Variants in IMPDH2 observed in about 807,000 individuals in gnomAD.
IMPDH2 encodes inosine monophosphate dehydrogenase 2.
A neutral mutation model predicts 57.8 loss-of-function variants in IMPDH2; 33 were observed. That is an observed-to-expected ratio of 0.57 (90% CI 0.43 to 0.76). IMPDH2 has a LOEUF of 0.76. Ranked by LOEUF, IMPDH2 falls within the 30% of genes least tolerant of loss-of-function variation. The probability of loss-of-function intolerance (pLI) is 0.00; values close to 1 mark genes in which losing one functional copy is unlikely to be tolerated. For synonymous variants in IMPDH2, 270 were observed against 241.3 expected (o/e 1.12, Z -1.10); for missense variants, 446 against 659.1 (o/e 0.68, Z 3.54).
intron 9 of IMPDH2, chr3:49,025,488 G>A: frequency 1.7e-6 from 1 of 571,756 alleles, no homozygotes. Context: ...GCACGTGCAT[G>A]TGTGCAGTGC....
Position 49,024,815 on chromosome 3 carries a change from G to A in IMPDH2, c.1296-13C>T, listed in dbSNP as rs764534570. 4.3e-6 allele frequency: 7 copies of A among 1,614,180 alleles called. No individual in the cohort carries two copies. Among genetic ancestry groups the A allele is most frequent in the Non-Finnish European group, 5.1e-6 (6 of 1,179,998 alleles). On this transcript the variant is annotated splice_polypyrimidine_tract_variant and intron_variant, in intron 11 of 13. Coordinates refer to ENST00000326739, the MANE Select transcript of IMPDH2 (RefSeq NM_000884.3). ...TTTGTCAGCTTCACTGCAGGGAGAGGCAGAGACACGGGCAAGGTCACAGCA... is the reference window on the plus strand; with the variant it reads ...TTTGTCAGCTTCACTGCAGGGAGAGACAGAGACACGGGCAAGGTCACAGCA...
chr3:49,026,472 C>T (rs759408967), intron 8 of IMPDH2, 47 bp downstream of exon 8: 1 of 1,597,258 alleles, frequency 6.3e-7, no homozygotes, highest in South Asian at 1.1e-5. Context: ...GGGAGCCCAG[C>T]TTACCCACTC....
Position 49,028,286 on chromosome 3 carries a change from T to C in IMPDH2, c.286A>G (p.Thr96Ala). ...ACTTCATTGGCCTGGAATTCAGGTG[T>C]ACAGTTGTGGTGGATGAAGCCAATA... ...GGIGFIHHNC[T>A]PEFQANEVRK... Residue 96 changes from threonine (T) to alanine (A), a missense_variant, in exon 4 of 14, where the codon ACA becomes GCA. Physicochemically the swap from Thr to Ala is moderately conservative, Grantham distance 58. Coordinates refer to ENST00000326739, the MANE Select transcript of IMPDH2 (RefSeq NM_000884.3). 6.2e-7 allele frequency: 1 copy of C among 1,614,190 alleles called. No homozygotes were observed. Among genetic ancestry groups the C allele is most frequent in the Non-Finnish European group, 8.5e-7 (1 of 1,180,026 alleles).
At chr3:49,029,103 T>C in intron 1 of IMPDH2, 150 bp downstream of exon 1, 1 of 702,352 alleles carries the variant, frequency 1.4e-6, no homozygotes, top group South Asian at 1.5e-5. Context: ...CCGCTCCAGA[T>C]GTCTCAAAGT....
intron 2 of IMPDH2, 24 bp from the exon 3 acceptor site, chr3:49,028,556 T>C: frequency 6.3e-7 from 1 of 1,584,052 alleles, no homozygotes; most frequent in South Asian, 1.1e-5. Flanking sequence ...CGTCAACCAG[T>C]GTGGGAAAGC....
In IMPDH2 at chr3:49,028,772, T is replaced by C. The variant is rs1271709232; in HGVS notation, c.133A>G (p.Thr45Ala). ...FLILPGYIDF[T>A]ADQVDLTSAL... ...ATCATACTCACCACCTGGTCTGCAG[T>C]GAAGTCGATGTACCCAGGGAGAATG... Residue 45 changes from threonine (T) to alanine (A), a missense_variant, in exon 2 of 14, where the codon ACT becomes GCT. Thr to Ala is a moderately conservative substitution (Grantham distance 58). Coordinates refer to ENST00000326739, the MANE Select transcript of IMPDH2 (RefSeq NM_000884.3). 6.2e-7 allele frequency: 1 copy of C among 1,613,690 alleles called. No homozygotes were observed. The highest frequency in any genetic ancestry group is 1.7e-5 in the Admixed American group (1 of 60,018).
At chr3:49,029,001 C>G (rs1009632527) in intron 1 of IMPDH2, 195 bp from the exon 2 acceptor site, 8 of 652,048 alleles carry the variant, frequency 1.2e-5, no homozygotes, top group Admixed American at 2.2e-5. Flanking sequence ...CATCAGTGCT[C>G]CTGGCACCCT....
chr3:49,027,603 TC>T, intron 5 of IMPDH2, 106 bp downstream of exon 5: 1 of 970,908 alleles, frequency 1.0e-6, no homozygotes, highest in Non-Finnish European at 1.6e-6. Flanking sequence ...GGTTTGACAC[TC>T]CTTTCCCAGA....
chr3:49,026,543 T>C lies in IMPDH2; in HGVS notation c.886A>G (p.Asn296Asp), dbSNP rs780501815. Reference protein sequence around the residue: ...MIKYIKDKYPNLQVIGGNVVT... With the variant: ...MIKYIKDKYPDLQVIGGNVVT... ...CCATTGCCTCCAATGACTTGGAGATTAGGGTATTTGTCTTTGATGTACTTG... is the reference window on the plus strand; with the variant it reads ...CCATTGCCTCCAATGACTTGGAGATCAGGGTATTTGTCTTTGATGTACTTG... Residue 296 changes from asparagine (N) to aspartate (D), a missense_variant, in exon 8 of 14, where the codon AAT becomes GAT. Physicochemically the swap from Asn to Asp is conservative, Grantham distance 23. Coordinates refer to ENST00000326739, the MANE Select transcript of IMPDH2 (RefSeq NM_000884.3). 2.5e-6 allele frequency: 4 copies of C among 1,613,542 alleles called. No homozygotes were observed. The highest frequency in any genetic ancestry group is 3.4e-6 in the Non-Finnish European group (4 of 1,179,408).
chr3:49,026,052 G>A (rs1389624966), intron 9 of IMPDH2: 2 of 562,034 alleles, frequency 3.6e-6, no homozygotes, highest in Admixed American at 4.4e-5. Flanking sequence ...ATGTCTGGAG[G>A]GATCTTGGGA....
At chr3:49,028,850 G>A (rs1467813825) in intron 1 of IMPDH2, 44 bp from the exon 2 acceptor site, 4 of 1,517,360 alleles carry the variant, frequency 2.6e-6, no homozygotes, top group African/African-American at 1.4e-5. Context: ...TCTCAGCTTA[G>A]GGCAGCATGA....
At chr3:49,028,891 AAC>A (rs2093211711) in intron 1 of IMPDH2, 85 bp from the exon 2 acceptor site, 7 of 1,063,842 alleles carry the variant, frequency 6.6e-6, no homozygotes, top group Admixed American at 1.8e-5. Context: ...ATCAACCCGT[AAC>A]GCATGTGAGC....
Position 49,026,576 on chromosome 3 carries a change from T to C in IMPDH2, c.853A>G (p.Asn285Asp), listed in dbSNP as rs368925413. The change falls in exon 8 of 14, where the codon AAT (asparagine) becomes GAT (aspartate). Residue 285 changes from asparagine (N) to aspartate (D), a missense_variant. Coordinates refer to ENST00000326739, the MANE Select transcript of IMPDH2 (RefSeq NM_000884.3). Reference protein sequence around the residue: ...SSQGNSIFQINMIKYIKDKYP... With the variant: ...SSQGNSIFQIDMIKYIKDKYP... ...TTGTCTTTGATGTACTTGATCATAT[T>C]GATCTGGAAGATGGAATTTCCCTGG... The C allele has an allele frequency of 1.9e-5, 30 of 1,613,934 alleles. No homozygotes were observed. Among genetic ancestry groups the C allele is most frequent in the Non-Finnish European group, 2.5e-5 (30 of 1,179,872 alleles).
At chr3:49,028,008 C>A in intron 4 of IMPDH2, 92 bp from the exon 5 acceptor site, 1 of 1,059,432 alleles carries the variant, frequency 9.4e-7, no homozygotes, top group South Asian at 1.4e-5. Flanking sequence ...TTATCGATCC[C>A]TTTGGCAGTG....
Position 49,029,383 on chromosome 3 carries a change from G to T in IMPDH2, c.-33C>A. ...ACAGGACACCGCCGCGTGTCTCCGA[G>T]GACCGCGCCGCAGAGACCTCTGCCG... On this transcript the variant is annotated 5_prime_UTR_variant, in exon 1 of 14. Coordinates refer to ENST00000326739, the MANE Select transcript of IMPDH2 (RefSeq NM_000884.3). 6.9e-7 allele frequency: 1 copy of T among 1,447,242 alleles called. No individual in the cohort carries two copies. The highest frequency in any genetic ancestry group is 9.5e-7 in the Non-Finnish European group (1 of 1,049,458). 89.7% of individuals were successfully genotyped at this position (1,447,242 alleles called of 1,614,324 possible).
chr3:49,028,457 CTG>C lies in IMPDH2; in HGVS notation c.221_222del (p.Thr74ArgfsTer24). 1.9e-6 allele frequency: 3 copies of C among 1,614,172 alleles called. No homozygotes were observed. The highest frequency in any genetic ancestry group is 2.5e-6 in the Non-Finnish European group (3 of 1,180,000). On this transcript the variant is annotated frameshift_variant, in exon 3 of 14. Transcript: ENST00000326739. LOFTEE classifies it high-confidence loss of function. ...GCCATTGCTATGGCCATCCCAGCCT[CTG>C]TGACTGTGTCCATGGGAGAGGAAAC... ...PLVSSPMDTV[T>X]EAGMAIAMAL... is the part of the protein sequence containing the mutation.
Position 49,028,241 on chromosome 3 carries a change from T to C in IMPDH2, c.324+7A>G. Reference sequence around the variant, plus strand: ...GAGCGCTTGCTAATGATCGTTGCCCTTCTGACCTTCACTTTCCGAACTTCA... The same window carrying C: ...GAGCGCTTGCTAATGATCGTTGCCCCTCTGACCTTCACTTTCCGAACTTCA... On this transcript the variant is annotated splice_region_variant and intron_variant, in intron 4 of 13. Coordinates refer to ENST00000326739, the MANE Select transcript of IMPDH2 (RefSeq NM_000884.3). 1.2e-6 allele frequency: 2 copies of C among 1,613,268 alleles called. No individual in the cohort carries two copies. The highest frequency in any genetic ancestry group is 1.7e-6 in the Non-Finnish European group (2 of 1,179,198).
chr3:49,028,119 G>T, intron 4 of IMPDH2, 129 bp downstream of exon 4: 1 of 868,396 alleles, frequency 1.2e-6, no homozygotes, highest in Non-Finnish European at 1.9e-6. Flanking sequence ...AGAATCTCAG[G>T]GTCTTCTCAG....
intron 8 of IMPDH2, 37 bp downstream of exon 8, chr3:49,026,482 C>G: frequency 6.2e-7 from 1 of 1,601,224 alleles, no homozygotes; most frequent in Non-Finnish European, 8.6e-7. Flanking sequence ...CTTACCCACT[C>G]CCACCACACA....
Sources: allele counts gnomAD v4.1 joint callset, GRCh38; gene constraint gnomAD v4.1.1; transcripts MANE v1.5; gene names NCBI Gene and HGNC (gene_info 2026-07-23, HGNC 2026-07-21).